SNX18: variants seen among roughly 807,000 people sequenced by gnomAD.
SNX18 encodes the protein sorting nexin-18.
In SNX18, 35 loss-of-function variants were observed where a neutral mutation model predicts 48.7. That is an observed-to-expected ratio of 0.72 (90% CI 0.55 to 0.95). SNX18 has a LOEUF of 0.95. Among genes scored for constraint, SNX18 ranks in the 40% least tolerant of loss-of-function variants. SNX18 has a pLI of 0.00. For missense variants in SNX18, 824 were observed against 871.0 expected, an observed-to-expected ratio of 0.95 and a Z score of 0.68; for synonymous variants, 492 against 384.7, an observed-to-expected ratio of 1.28 and a Z score of -3.26.
the SNX18 span, among the ~76,000 whole-genome samples, chr5:54,606,158 G>T: frequency 1.3e-5 from 2 of 152,108 alleles, no homozygotes; most frequent in Non-Finnish European, 2.9e-5. Context: ...GTTTTGGATG[G>T]CTGCCTGTGG....
downstream of SNX18, among the ~76,000 whole-genome samples, chr5:54,550,985 G>T (rs1445869734): frequency 3.3e-5 from 5 of 151,436 alleles, no homozygotes; most frequent in African/African-American, 1.2e-4. Flanking sequence ...GAAACTTACT[G>T]TATTCCCTAT....
At chr5:54,562,449 A>G in the SNX18 span, among the ~76,000 whole-genome samples, 1 of 152,234 alleles carries the variant, frequency 6.6e-6, no homozygotes, top group Admixed American at 6.5e-5. Context: ...GTTATGCACC[A>G]AATAACAATG....
chr5:54,572,683 T>C, the SNX18 span, among the ~76,000 whole-genome samples: 1 of 149,572 alleles, frequency 6.7e-6, no homozygotes, highest in Non-Finnish European at 1.5e-5. Flanking sequence ...TATTAAAATA[T>C]TTAAATTGCC....
At chr5:54,581,084 G>A in the SNX18 span, among the ~76,000 whole-genome samples, 2 of 152,114 alleles carry the variant, frequency 1.3e-5, no homozygotes, top group Admixed American at 6.6e-5. Flanking sequence ...AGGAAGCAGA[G>A]GGCCAGTTAA....
intron 1 of SNX18, among the ~76,000 whole-genome samples, chr5:54,521,801 C>T (rs1429224746): frequency 6.6e-6 from 1 of 152,160 alleles, no homozygotes; most frequent in African/African-American, 2.4e-5. Context: ...CTCTTGGGCT[C>T]AAGCAATCCT....
At chr5:54,588,306 C>CTTTTTTTTTTT in the SNX18 span, among the ~76,000 whole-genome samples, 71 of 73,910 alleles carry the variant, frequency 9.6e-4, 11 homozygotes, top group African/African-American at 2.7e-3. Context: ...TATTTCTATT[C>CTTTTTTTTTTT]TTTTTTTTTT....
the SNX18 span, among the ~76,000 whole-genome samples, chr5:54,594,042 T>A: frequency 2.6e-5 from 4 of 152,160 alleles, no homozygotes; most frequent in East Asian, 7.7e-4. Context: ...TAAAAATAAA[T>A]GATAAGTAAA....
At chr5:54,553,984 A>G in the SNX18 span, among the ~76,000 whole-genome samples, 1 of 152,230 alleles carries the variant, frequency 6.6e-6, no homozygotes, top group African/African-American at 2.4e-5. Flanking sequence ...ATTCCTTCCC[A>G]TGCCCTAATG....
In SNX18 at chr5:54,517,874, G is replaced by C. The variant is rs1355214196; in HGVS notation, c.-79G>C. Reference sequence around the variant, plus strand: ...GGCTCCAGTCCGCGCGCCAGGGCTCGAGCAGTACCGCGGGCCCCTCAGGTG... The same window carrying C: ...GGCTCCAGTCCGCGCGCCAGGGCTCCAGCAGTACCGCGGGCCCCTCAGGTG... On this transcript the variant is annotated 5_prime_UTR_variant, in exon 1 of 2. Coordinates refer to ENST00000381410, the MANE Select transcript of SNX18 (RefSeq NM_001102575.2). 50 of 1,385,666 alleles carry C rather than the reference G, an allele frequency of 3.6e-5. No individual in the cohort carries two copies. The highest frequency in any genetic ancestry group is 4.5e-5 in the Non-Finnish European group (48 of 1,074,828). 85.8% of individuals were successfully genotyped at this position (1,385,666 alleles called of 1,614,324 possible).
Position 54,518,359 on chromosome 5 carries a change from C to G in SNX18, c.407C>G (p.Ser136Trp). The change falls in exon 1 of 2, where the codon TCG becomes TGG. Residue 136 changes from serine to tryptophan, a missense_variant. Coordinates refer to ENST00000381410, the MANE Select transcript of SNX18 (RefSeq NM_001102575.2). ...TACGGCGGGGGCGCCCTGCAGCCGTCGCCTCAGCAGCTCTACGGCGGCTAC... is the reference window on the plus strand; with the variant it reads ...TACGGCGGGGGCGCCCTGCAGCCGTGGCCTCAGCAGCTCTACGGCGGCTAC... The part of the protein sequence containing the change: ...FPYGGGALQP[S>W]PQQLYGGYQA... 1 of 1,544,884 alleles carries G rather than the reference C, an allele frequency of 6.5e-7. No homozygotes were observed. Among genetic ancestry groups the G allele is most frequent in the South Asian group, 1.2e-5 (1 of 83,526 alleles).
chr5:54,580,034 A>G, the SNX18 span, among the ~76,000 whole-genome samples: 1 of 152,024 alleles, frequency 6.6e-6, no homozygotes. Flanking sequence ...ATGTCCATAC[A>G]GTCTGGCTTA....
At chr5:54,520,613 T>C (rs1243438767) in intron 1 of SNX18, 1 of 166,978 alleles carries the variant, frequency 6.0e-6, no homozygotes, top group Non-Finnish European at 1.5e-5. Flanking sequence ...GGTGGGCCAG[T>C]CCGTTTATGA....
At chr5:54,575,363 C>G in the SNX18 span, among the ~76,000 whole-genome samples, 1 of 148,672 alleles carries the variant, frequency 6.7e-6, no homozygotes, top group African/African-American at 2.5e-5. Flanking sequence ...TGTGCCTCCC[C>G]ACTGCTTTTT....
chr5:54,591,285 T>C, the SNX18 span, among the ~76,000 whole-genome samples: 7 of 152,114 alleles, frequency 4.6e-5, no homozygotes, highest in Admixed American at 6.5e-5. Flanking sequence ...GTTCAAGCAA[T>C]CTTCCCACCT....
At position 54,518,808 on chromosome 5, in the gene SNX18, C is replaced by G; in HGVS notation, c.856C>G (p.Gln286Glu). ...GTGCACCATCGACGACCCCACCAAGCAGACCAAGTTCAAGGGCATGAAGAG... is the reference window on the plus strand; with the variant it reads ...GTGCACCATCGACGACCCCACCAAGGAGACCAAGTTCAAGGGCATGAAGAG... ...FQCTIDDPTK[Q>E]TKFKGMKSYI... Residue 286 changes from glutamine (Q) to glutamate (E), a missense_variant, in exon 1 of 2, where the codon CAG (glutamine) becomes GAG (glutamate). By Grantham distance (29) the Gln-to-Glu change is conservative (BLOSUM62 2). This residue lies in a region of SNX18 where 443 missense variants were observed against 503.6 expected (regional missense o/e 0.88). Transcript: ENST00000381410. The G allele has an allele frequency of 6.2e-7, 1 of 1,604,970 alleles. No individual in the cohort carries two copies. The highest frequency in any genetic ancestry group is 2.2e-5 in the East Asian group (1 of 44,746).
the SNX18 span, among the ~76,000 whole-genome samples, chr5:54,566,830 G>T: frequency 6.6e-6 from 1 of 152,208 alleles, no homozygotes; most frequent in Non-Finnish European, 1.5e-5. Flanking sequence ...GAAAGAACTG[G>T]TGTTGGTGGA....
intron 1 of SNX18, among the ~76,000 whole-genome samples, chr5:54,532,784 G>A (rs544475760): frequency 6.6e-6 from 1 of 152,068 alleles, no homozygotes; most frequent in Non-Finnish European, 1.5e-5. Flanking sequence ...GCAAGAAACA[G>A]TTTTACCAAA....
At chr5:54,586,592 GT>G in the SNX18 span, among the ~76,000 whole-genome samples, 2 of 152,216 alleles carry the variant, frequency 1.3e-5, no homozygotes, top group East Asian at 3.8e-4. Context: ...TGAACTCATT[GT>G]TTAATGAAAA....
chr5:54,647,799 C>G, the SNX18 span, among the ~76,000 whole-genome samples: 32,439 of 151,962 alleles, frequency 0.21, 3,570 homozygotes, highest in Middle Eastern at 0.3. Flanking sequence ...CTTGAAACTT[C>G]AACGGGCAAC....
Sources: gnomAD v4.1 joint callset for allele counts (sites outside exome capture counted in the v4.1 genomes callset) on GRCh38, gnomAD v4.1.1 for gene constraint, gnomAD v4.1.1 regional missense constraint, MANE v1.5 for transcripts, NCBI Gene and HGNC (gene_info 2026-07-23, HGNC 2026-07-21) for gene names.